NOL8: variants seen among roughly 807,000 people sequenced by gnomAD.
NOL8 encodes nucleolar protein Nop132.
Under a neutral mutation model 116.1 loss-of-function variants are expected in NOL8, and 93 were observed. The ratio of observed to expected loss-of-function variants is 0.80; its 90% CI spans 0.68 to 0.95. The LOEUF is 0.95. NOL8 is among the 40% of genes least tolerant of loss of function. The pLI, the probability that NOL8 is intolerant of heterozygous loss-of-function variation, is 0.00. For missense variants in NOL8, 1,291 were observed against 1,382.8 expected (o/e 0.93, Z 1.05); for synonymous variants, 419 against 469.0 (o/e 0.89, Z 1.38).
At chr9:92,309,565 C>T (rs1237031061) in intron 10 of NOL8, among the ~76,000 whole-genome samples, 1 of 152,006 alleles carries the variant, frequency 6.6e-6, no homozygotes, top group African/African-American at 2.4e-5. Flanking sequence ...TCATTCAAGC[C>T]AGCGACGTAA....
chr9:92,313,974 C>G (rs1428778293), intron 7 of NOL8, among the ~76,000 whole-genome samples: 1 of 152,192 alleles, frequency 6.6e-6, no homozygotes, highest in Non-Finnish European at 1.5e-5. Context: ...AAGCCCATTA[C>G]AGTAAATCTT....
intron 4 of NOL8, chr9:92,319,852 G>C: frequency 2.8e-6 from 1 of 358,068 alleles, no homozygotes; most frequent in Non-Finnish European, 5.5e-6. Context: ...TGTGCTGTCA[G>C]GGCTGTCCCA....
intron 3 of NOL8, 43 bp downstream of exon 3, chr9:92,323,398 A>C: frequency 6.4e-7 from 1 of 1,560,320 alleles, no homozygotes; most frequent in East Asian, 2.3e-5. Context: ...TTACAGAGTC[A>C]TACAAACTGG....
intron 10 of NOL8, 127 bp downstream of exon 10, chr9:92,310,044 T>A: frequency 1.5e-6 from 1 of 660,572 alleles, no homozygotes; most frequent in Admixed American, 2.9e-5. Context: ...TACATTTGAT[T>A]ATAAACTCCT....
chr9:92,298,103 T>G (rs953452996), intron 16 of NOL8, among the ~76,000 whole-genome samples, 154 bp downstream of exon 16: 3 of 152,226 alleles, frequency 2.0e-5, no homozygotes, highest in Non-Finnish European at 4.4e-5. Flanking sequence ...TTCGTGTTAC[T>G]TAATAGGCTT....
intron 6 of NOL8, among the ~76,000 whole-genome samples, chr9:92,316,775 G>A (rs1188163658): frequency 6.6e-6 from 1 of 152,028 alleles, no homozygotes; most frequent in Non-Finnish European, 1.5e-5. Context: ...GGGCAACATG[G>A]TGAGAACCTG....
At chr9:92,308,772 G>A (rs996375055) in intron 10 of NOL8, 1 of 152,248 alleles carries the variant, frequency 6.6e-6, no homozygotes. Context: ...TAGGTTAGCT[G>A]AAGAGGATGT....
At position 92,306,825 on chromosome 9, in the gene NOL8, T is replaced by C. The variant is rs187891120; in HGVS notation, c.2825+61A>G. The C allele has an allele frequency of 1.0e-5, 16 of 1,526,876 alleles. No homozygotes were observed. The African/African-American group carries it at 1.4e-4, about 13-fold the overall frequency. 94.6% of individuals were successfully genotyped at this position (1,526,876 alleles called of 1,614,324 possible). A position where few individuals can be genotyped will look rare whatever the true frequency, so the allele number is the denominator to read the frequency against. On this transcript the variant is annotated intron_variant, in intron 11 of 16. Transcript: ENST00000442668. ...AAAAGAGACCTAGTTTTAAATTGAG[T>C]TCAAGAAGACATTTATGGCAAAGGA... is the stretch of plus-strand genomic sequence containing the variant.
In NOL8 at chr9:92,323,517, A is replaced by C. The variant is rs1314838955; in HGVS notation, c.140-14T>G. On this transcript the variant is annotated splice_polypyrimidine_tract_variant and intron_variant, in intron 2 of 16. Coordinates refer to ENST00000442668, the MANE Select transcript of NOL8 (RefSeq NM_017948.6). Reference sequence around the variant, plus strand: ...TCTGTGGGTTTCCTAAAAAACAAACAAACAAACAAACAAAACAATTTATTT... The same window carrying C: ...TCTGTGGGTTTCCTAAAAAACAAACCAACAAACAAACAAAACAATTTATTT... 1 of 1,586,510 alleles carries C rather than the reference A, an allele frequency of 6.3e-7. No individual in the cohort carries two copies. The highest frequency in any genetic ancestry group is 1.3e-5 in the African/African-American group (1 of 74,524).
intron 8 of NOL8, 106 bp downstream of exon 8, chr9:92,311,040 T>A (rs932351489): frequency 2.4e-6 from 2 of 844,332 alleles, no homozygotes; most frequent in Non-Finnish European, 1.9e-6. Context: ...AAGCCCTGGG[T>A]CTCATTGGGG....
intron 2 of NOL8, 112 bp downstream of exon 2, chr9:92,323,911 C>T (rs1840163639): frequency 2.5e-6 from 3 of 1,212,798 alleles, no homozygotes; most frequent in South Asian, 3.2e-5. Context: ...CACAACATCA[C>T]TTAAAACTTT....
rs1330153572 is a variant in NOL8 at position 92,306,920 on chromosome 9, T to C, written c.2791A>G (p.Thr931Ala). 1.9e-6 allele frequency: 3 copies of C among 1,613,126 alleles called. No individual in the cohort carries two copies. The African/African-American group carries it at 4.0e-5, about 22-fold the overall frequency. ...SVLQINLSNS[T>A]NRGSVAAKKF... Reference sequence around the variant, plus strand: ...TTAGCAGCTACTGATCCTCTGTTTGTAGAATTGCTTAAGTTGATTTGCAAA... The same window carrying C: ...TTAGCAGCTACTGATCCTCTGTTTGCAGAATTGCTTAAGTTGATTTGCAAA... The change falls in exon 11 of 17, where the codon ACA becomes GCA. Residue 931 changes from threonine to alanine, a missense_variant. Coordinates refer to ENST00000442668, the MANE Select transcript of NOL8 (RefSeq NM_017948.6).
intron 15 of NOL8, 66 bp downstream of exon 15, chr9:92,298,818 G>C: frequency 2.2e-6 from 2 of 892,582 alleles, no homozygotes; most frequent in Non-Finnish European, 3.3e-6. Context: ...ATTCCTGGAT[G>C]TGAATTACTG....
chr9:92,319,454 G>T, intron 4 of NOL8, 98 bp from the exon 5 acceptor site: 1 of 1,265,570 alleles, frequency 7.9e-7, no homozygotes, highest in Non-Finnish European at 1.0e-6. Flanking sequence ...ACTATAAACA[G>T]CTTTGTAGTA....
intron 11 of NOL8, 38 bp from the exon 12 acceptor site, chr9:92,305,868 A>T (rs945391786): frequency 5.1e-6 from 7 of 1,377,860 alleles, no homozygotes; most frequent in Non-Finnish European, 7.2e-6. Context: ...AAGAGATAAA[A>T]ACAGAACACT....
rs41277645 is a variant in NOL8 at position 92,318,622 on chromosome 9, C to G, written c.482G>C (p.Arg161Pro). The stretch of plus-strand genomic sequence containing the variant: ...TGTTGAGAGGCCAAAGGATATTTTA[C>G]GTTTATGTTGATTTTTAAGGTGAAG... ...PVLHLKNQHKRKIIKYDPSKY... is the reference protein window; with the variant it reads ...PVLHLKNQHKPKIIKYDPSKY... Residue 161 changes from arginine to proline, a missense_variant, in exon 6 of 17, where the codon CGT becomes CCT. Transcript: ENST00000442668. 1.9e-6 allele frequency: 3 copies of G among 1,597,570 alleles called. No individual in the cohort carries two copies. Among genetic ancestry groups the G allele is most frequent in the Non-Finnish European group, 2.6e-6 (3 of 1,172,208 alleles).
intron 13 of NOL8, chr9:92,300,930 T>C: frequency 1.1e-6 from 1 of 903,024 alleles, no homozygotes; most frequent in Non-Finnish European, 1.3e-6. Flanking sequence ...GTATAGGTAT[T>C]ACCTGCTTTT....
chr9:92,312,252 C>T (rs1231854310), intron 7 of NOL8, among the ~76,000 whole-genome samples: 3 of 151,302 alleles, frequency 2.0e-5, no homozygotes, highest in East Asian at 2.0e-4. Context: ...CTTAGGAGTT[C>T]AAGACCAGCC....
At chr9:92,310,136 T>TA (rs1231901909) in intron 10 of NOL8, 35 bp downstream of exon 10, 1 of 1,461,812 alleles carries the variant, frequency 6.8e-7, no homozygotes, top group Non-Finnish European at 9.5e-7. Context: ...TGTCCCCAGA[T>TA]ATGACATCAG....
Sources: allele counts gnomAD v4.1 joint callset (sites outside exome capture counted in the v4.1 genomes callset), GRCh38; gene constraint gnomAD v4.1.1; transcripts MANE v1.5; gene names NCBI Gene and HGNC (gene_info 2026-07-23, HGNC 2026-07-21).